LARP1B: variants seen among roughly 807,000 people sequenced by gnomAD.
The protein encoded by LARP1B is La ribonucleoprotein 1B.
LARP1B carries 76 observed loss-of-function variants against 114.2 expected under a neutral mutation model. The observed-to-expected ratio is 0.67, with a 90% confidence interval of 0.55 to 0.81. The LOEUF (loss-of-function observed/expected upper bound fraction) is 0.81. Among genes scored for constraint, LARP1B ranks in the 30% least tolerant of loss-of-function variants. The pLI, the probability that LARP1B is intolerant of heterozygous loss-of-function variation, is 0.00. For missense variants in LARP1B, 1,014 were observed against 1,075.8 expected, an observed-to-expected ratio of 0.94 and a Z score of 0.80; for synonymous variants, 345 against 348.0, an observed-to-expected ratio of 0.99 and a Z score of 0.10.
chr4:128,141,886 T>C (rs2150219524), intron 11 of LARP1B, among the ~76,000 whole-genome samples: 1 of 152,288 alleles, frequency 6.6e-6, no homozygotes, highest in Middle Eastern at 3.4e-3. Flanking sequence ...ATTACTTCAC[T>C]CTCTTATGCA....
intron 3 of LARP1B, among the ~76,000 whole-genome samples, chr4:128,077,566 A>G (rs965049059): frequency 6.8e-6 from 1 of 147,784 alleles, no homozygotes; most frequent in Non-Finnish European, 1.5e-5. Flanking sequence ...TTGAAAGTTC[A>G]TATGTATTTG....
At chr4:128,222,535 C>T (rs1476904832) in exon 8 of LARP1B, 2 of 283,966 alleles carry the variant, frequency 7.0e-6, no homozygotes, top group African/African-American at 2.2e-5. Context: ...TTTTTTTCTG[C>T]CCTGGGACAT....
chr4:128,142,473 G>T (rs371681403), intron 11 of LARP1B, among the ~76,000 whole-genome samples: 1 of 151,852 alleles, frequency 6.6e-6, no homozygotes, highest in African/African-American at 2.4e-5. Flanking sequence ...AGGTGCCACA[G>T]TTCCATTATT....
At chr4:128,149,116 A>T (rs1581017465) in intron 11 of LARP1B, among the ~76,000 whole-genome samples, 1 of 152,300 alleles carries the variant, frequency 6.6e-6, no homozygotes, top group East Asian at 1.9e-4. Context: ...TTAGGATTTG[A>T]TTACATCAAT....
Position 128,114,754 on chromosome 4 carries a change from C to A in LARP1B, c.1161+12C>A. 3 of 1,612,888 alleles carry A rather than the reference C, an allele frequency of 1.9e-6. No individual in the cohort carries two copies. Among genetic ancestry groups the A allele is most frequent in the South Asian group, 1.1e-5 (1 of 91,010 alleles). On this transcript the variant is annotated intron_variant, in intron 10 of 19. Coordinates refer to ENST00000326639, the MANE Select transcript of LARP1B (RefSeq NM_018078.4). ...CAGTGAAATTGAGGGTAAGTTGTTA[C>A]AGACTGAGTGAAGTGTGACATACCC... is the stretch of plus-strand genomic sequence containing the variant.
At chr4:128,177,022 A>G in intron 13 of LARP1B, 115 bp downstream of exon 13, 2 of 939,682 alleles carry the variant, frequency 2.1e-6, no homozygotes, top group Non-Finnish European at 3.5e-6. Context: ...AAGATATGGA[A>G]CAAGGAACAG....
intron 1 of LARP1B, among the ~76,000 whole-genome samples, chr4:128,068,102 G>A (rs1453199051): frequency 1.3e-5 from 2 of 152,050 alleles, no homozygotes; most frequent in Admixed American, 6.6e-5. Flanking sequence ...GGATGGTCTC[G>A]ATCTCCTGAC....
chr4:128,089,362 A>AT (rs1774935761), intron 5 of LARP1B, among the ~76,000 whole-genome samples: 1 of 152,166 alleles, frequency 6.6e-6, no homozygotes, highest in South Asian at 2.1e-4. Flanking sequence ...TTGAGACAGA[A>AT]TCTCACTCTG....
At chr4:128,069,608 C>T in intron 1 of LARP1B, 1 of 677,254 alleles carries the variant, frequency 1.5e-6, no homozygotes, top group Non-Finnish European at 2.7e-6. Context: ...CTTGTATGCC[C>T]CCATCTTGGC....
chr4:128,207,382 A>G lies in LARP1B; in HGVS notation c.2546A>G (p.Asp849Gly), dbSNP rs770348827. Residue 849 changes from aspartate (D) to glycine (G), a missense_variant and splice_region_variant, in exon 19 of 20, where the codon GAT becomes GGT. Coordinates refer to ENST00000326639, the MANE Select transcript of LARP1B (RefSeq NM_018078.4). Reference sequence around the variant, plus strand: ...AAGAGGTTAGAAGACTTCCGTGTTGATGTAAGTTTTAAGTCATTTCCTCTA... The same window carrying G: ...AAGAGGTTAGAAGACTTCCGTGTTGGTGTAAGTTTTAAGTCATTTCCTCTA... ...SFKRLEDFRV[D>G]PPISDEFGRK... 15 of 1,488,466 alleles carry G rather than the reference A, an allele frequency of 1.0e-5. No individual in the cohort carries two copies. Among genetic ancestry groups the G allele is most frequent in the African/African-American group, 1.4e-5 (1 of 70,166 alleles). The allele number at this position is 1,488,466 out of a possible 1,614,324, so 92.2% of individuals were successfully genotyped here. A position where few individuals can be genotyped will look rare whatever the true frequency, so the allele number is the denominator to read the frequency against.
intron 15 of LARP1B, among the ~76,000 whole-genome samples, chr4:128,179,886 A>G (rs1453421141): frequency 6.6e-6 from 1 of 152,234 alleles, no homozygotes; most frequent in Non-Finnish European, 1.5e-5. Context: ...TGTATAAATA[A>G]TATGGAAACG....
At position 128,108,031 on chromosome 4, in the gene LARP1B, C is replaced by T. The variant is rs1460357600; in HGVS notation, c.988+718C>T. On this transcript the variant is annotated intron_variant, in intron 9 of 19. Transcript: ENST00000326639. ...CAGACTGTCTTCTGTTCAAGAATGTCTATTCCCACCTCTTGGTGGAGGAAG... is the reference window on the plus strand; with the variant it reads ...CAGACTGTCTTCTGTTCAAGAATGTTTATTCCCACCTCTTGGTGGAGGAAG... 6 of 1,491,908 alleles carry T rather than the reference C, an allele frequency of 4.0e-6. No homozygotes were observed. The African/African-American group carries it at 7.0e-5, about 17-fold the overall frequency. The allele number at this position is 1,491,908 out of a possible 1,614,324, so 92.4% of individuals were successfully genotyped here.
chr4:128,076,707 C>T (rs554888189), intron 3 of LARP1B, among the ~76,000 whole-genome samples: 7 of 152,080 alleles, frequency 4.6e-5, no homozygotes, highest in East Asian at 1.9e-4. Context: ...CCAGTTACTC[C>T]ACATCTTCAC....
chr4:128,146,299 T>C (rs1730314477), intron 11 of LARP1B, among the ~76,000 whole-genome samples: 1 of 152,202 alleles, frequency 6.6e-6, no homozygotes, highest in South Asian at 2.1e-4. Context: ...ATAATTGGTA[T>C]AGAAATGAAG....
rs1310502924 is a variant in LARP1B, at chr4:128,169,350, T to TAA, written c.1648+7033_1648+7034insAA. ...CCATTTTTCTTTCCTATTATAACCATTTAATACTACAAATTTCCACCTAAG... is the reference window on the plus strand; with the variant it reads ...CCATTTTTCTTTCCTATTATAACCATAATTAATACTACAAATTTCCACCTAAG... On this transcript the variant is annotated intron_variant, in intron 12 of 19. Transcript: ENST00000326639. 2.4e-4 allele frequency among the ~76,000 whole-genome samples: 36 copies of TAA among 152,022 alleles called. 1 individual carries two copies.
At chr4:128,162,447 T>G (rs1738917178) in intron 12 of LARP1B, 130 bp downstream of exon 12, 1 of 790,976 alleles carries the variant, frequency 1.3e-6, no homozygotes, top group African/African-American at 1.7e-5. Flanking sequence ...GCTAGAATTT[T>G]AAAACTCAAC....
chr4:128,110,987 G>A (rs1217860656), intron 9 of LARP1B, among the ~76,000 whole-genome samples: 2 of 151,760 alleles, frequency 1.3e-5, no homozygotes, highest in Non-Finnish European at 2.9e-5. Context: ...AAGTTTGGAG[G>A]ATACTTGAGC....
intron 4 of LARP1B, among the ~76,000 whole-genome samples, chr4:128,079,061 C>T (rs16997980): frequency 0.6 from 91,312 of 151,268 alleles, 28,441 homozygotes; most frequent in Middle Eastern, 0.8. Context: ...TAACTTTTAC[C>T]GTAGACTGAT....
chr4:128,098,761 A>G (rs1054312617), intron 8 of LARP1B, among the ~76,000 whole-genome samples: 14 of 35,320 alleles, frequency 4.0e-4, no homozygotes, highest in African/African-American at 1.4e-3. Context: ...ATATATATAT[A>G]TATATATTTT....
Sources: allele counts gnomAD v4.1 joint callset (sites outside exome capture counted in the v4.1 genomes callset), GRCh38; gene constraint gnomAD v4.1.1; transcripts MANE v1.5; gene names NCBI Gene and HGNC (gene_info 2026-07-23, HGNC 2026-07-21).